CNTNAP2: variants seen among roughly 807,000 people sequenced by gnomAD.
CNTNAP2 encodes contactin-associated protein-like 2.
A neutral mutation model predicts 155.2 loss-of-function variants in CNTNAP2; 98 were observed. The ratio of observed to expected loss-of-function variants is 0.63; its 90% CI spans 0.54 to 0.75. The LOEUF is 0.75. Ranked by LOEUF, CNTNAP2 falls within the 30% of genes least tolerant of loss-of-function variation. The pLI, the probability that CNTNAP2 is intolerant of heterozygous loss-of-function variation, is 0.00. For missense variants in CNTNAP2, 1,727 were observed against 1,688.1 expected, an observed-to-expected ratio of 1.02 and a Z score of -0.40; for synonymous variants, 651 against 631.2, an observed-to-expected ratio of 1.03 and a Z score of -0.47.
At chr7:147,645,574 A>G (rs921541353) in intron 13 of CNTNAP2, among the ~76,000 whole-genome samples, 10 of 152,228 alleles carry the variant, frequency 6.6e-5, no homozygotes, top group African/African-American at 1.9e-4. Context: ...CATCTGCATG[A>G]TGGGCACTGT....
chr7:148,387,845 T>TAAAATAAAGCTGAGACCTACTG (rs1799250906), intron 22 of CNTNAP2, among the ~76,000 whole-genome samples: 1 of 151,806 alleles, frequency 6.6e-6, no homozygotes, highest in Admixed American at 6.6e-5. Flanking sequence ...AGGGGCTGGG[T>TAAAATAAAGCTGAGACCTACTG]AAAATAAAGC....
At chr7:146,730,951 A>T (rs1801515224) in intron 1 of CNTNAP2, among the ~76,000 whole-genome samples, 1 of 152,204 alleles carries the variant, frequency 6.6e-6, no homozygotes. Context: ...TATCCACAGA[A>T]CACAAACTAG....
At chr7:147,538,151 G>A (rs780439962) in intron 11 of CNTNAP2, among the ~76,000 whole-genome samples, 33 of 152,106 alleles carry the variant, frequency 2.2e-4, no homozygotes, top group Admixed American at 3.9e-4. Flanking sequence ...GAAACTAAAC[G>A]TTCATCGGTA....
chr7:147,226,053 G>A (rs920375293), intron 8 of CNTNAP2, among the ~76,000 whole-genome samples: 2 of 152,174 alleles, frequency 1.3e-5, no homozygotes, highest in Non-Finnish European at 2.9e-5. Context: ...TTGTACAACA[G>A]AATGGGCACA....
rs557086734 is a variant in CNTNAP2 at position 147,531,285 on chromosome 7, G to A, written c.1778-30853G>A. 2.6e-5 allele frequency among the ~76,000 whole-genome samples: 4 copies of A among 152,328 alleles called. No individual in the cohort carries two copies. In the South Asian group the frequency reaches 8.3e-4, roughly 32 times the overall value. The stretch of plus-strand genomic sequence containing the variant: ...GCTCCACTAGGCAGTGCCCCAGTTA[G>A]GACTCTGTGTGGGGACTCCAACCCC... On this transcript the variant is annotated intron_variant, in intron 11 of 23. Transcript: ENST00000361727.
intron 3 of CNTNAP2, among the ~76,000 whole-genome samples, chr7:146,896,855 AT>A (rs1365846956): frequency 6.6e-6 from 1 of 152,094 alleles, no homozygotes; most frequent in African/African-American, 2.4e-5. Context: ...AATATAAAAT[AT>A]TTTTAATGAT....
chr7:147,509,326 A>G (rs1798973719), intron 11 of CNTNAP2, among the ~76,000 whole-genome samples: 1 of 152,184 alleles, frequency 6.6e-6, no homozygotes, highest in Non-Finnish European at 1.5e-5. Flanking sequence ...AAAATATCTT[A>G]TTAACTTCTC....
intron 3 of CNTNAP2, among the ~76,000 whole-genome samples, chr7:147,017,897 G>C (rs1798752692): frequency 6.6e-6 from 1 of 151,930 alleles, no homozygotes; most frequent in Admixed American, 6.6e-5. Context: ...TACAAAATTG[G>C]CTAATAATGT....
intron 17 of CNTNAP2, among the ~76,000 whole-genome samples, chr7:148,161,759 T>A (rs1805547935): frequency 6.6e-6 from 1 of 152,222 alleles, no homozygotes; most frequent in African/African-American, 2.4e-5. Flanking sequence ...GTTGTCTGAT[T>A]TTCCTTGACT....
intron 13 of CNTNAP2, among the ~76,000 whole-genome samples, chr7:147,823,566 A>G (rs1302852058): frequency 6.6e-6 from 1 of 152,146 alleles, no homozygotes; most frequent in Non-Finnish European, 1.5e-5. Flanking sequence ...TGCCTAAAGA[A>G]GTTGGATACC....
intron 4 of CNTNAP2, among the ~76,000 whole-genome samples, chr7:147,067,968 G>C (rs139264869): frequency 6.6e-6 from 1 of 152,196 alleles, no homozygotes; most frequent in Non-Finnish European, 1.5e-5. Flanking sequence ...CTAGCCCATC[G>C]GCGTGTCAGC....
At chr7:147,200,370 T>G (rs145925796) in intron 8 of CNTNAP2, among the ~76,000 whole-genome samples, 1 of 152,244 alleles carries the variant, frequency 6.6e-6, no homozygotes, top group Non-Finnish European at 1.5e-5. Flanking sequence ...AAGGACAGCT[T>G]ATTGCTCGTA....
At chr7:147,023,249 G>C (rs568926380) in intron 3 of CNTNAP2, among the ~76,000 whole-genome samples, 349 of 152,246 alleles carry the variant, frequency 2.3e-3, no homozygotes, top group Non-Finnish European at 3.8e-3. Flanking sequence ...CCCTACATGT[G>C]CTAACATTTG....
chr7:146,818,002 A>T (rs1484560814), intron 2 of CNTNAP2, among the ~76,000 whole-genome samples: 2 of 152,220 alleles, frequency 1.3e-5, no homozygotes, highest in Non-Finnish European at 2.9e-5. Flanking sequence ...TCCATATAAA[A>T]CATTTTTTAA....
At chr7:147,176,890 A>G (rs1308123492) in intron 8 of CNTNAP2, among the ~76,000 whole-genome samples, 2 of 128,274 alleles carry the variant, frequency 1.6e-5, no homozygotes, top group African/African-American at 6.2e-5. Flanking sequence ...ATATAATTAT[A>G]TATTATAATA....
chr7:147,308,474 A>G (rs971617902), intron 9 of CNTNAP2, among the ~76,000 whole-genome samples: 1 of 152,144 alleles, frequency 6.6e-6, no homozygotes, highest in African/African-American at 2.4e-5. Context: ...CTGCATACAC[A>G]TTTGGAGGTC....
chr7:147,509,263 G>A (rs532679889), intron 11 of CNTNAP2, among the ~76,000 whole-genome samples: 13 of 152,260 alleles, frequency 8.5e-5, no homozygotes, highest in South Asian at 6.2e-4. Flanking sequence ...TGTGCAGACC[G>A]TGTCATAGAA....
intron 13 of CNTNAP2, among the ~76,000 whole-genome samples, chr7:147,820,984 A>T (rs1798351089): frequency 6.6e-6 from 1 of 152,180 alleles, no homozygotes; most frequent in Non-Finnish European, 1.5e-5. Context: ...AAAAATGTAC[A>T]GATTAATATG....
chr7:147,070,434 C>T (rs1029718934), intron 4 of CNTNAP2, among the ~76,000 whole-genome samples: 1 of 152,170 alleles, frequency 6.6e-6, no homozygotes, highest in Non-Finnish European at 1.5e-5. Flanking sequence ...TGAGAAGTGT[C>T]ATCGTATTAA....
Sources: gnomAD v4.1 joint callset for allele counts (sites outside exome capture counted in the v4.1 genomes callset) on GRCh38, gnomAD v4.1.1 for gene constraint, MANE v1.5 for transcripts, NCBI Gene and HGNC (gene_info 2026-07-23, HGNC 2026-07-21) for gene names.